The following VPS8 variants were observed in gnomAD, a reference collection of about 807,000 sequenced individuals.
The protein encoded by VPS8 is vacuolar protein sorting-associated protein 8 homolog.
VPS8 carries 129 observed loss-of-function variants against 216.4 expected under a neutral mutation model. That is an observed-to-expected ratio of 0.60 (90% confidence interval 0.52 to 0.69). VPS8 has a LOEUF of 0.69. Among genes scored for constraint, VPS8 ranks in the 30% least tolerant of loss-of-function variants. The pLI, the probability that VPS8 is intolerant of heterozygous loss-of-function variation, is 0.00. For missense variants in VPS8, 1,531 were observed against 1,683.5 expected (o/e 0.91, Z 1.59); for synonymous variants, 571 against 565.4 (o/e 1.01, Z -0.14).
chr3:184,862,482 G>T (rs1047918315), intron 15 of VPS8, among the ~76,000 whole-genome samples: 3 of 152,280 alleles, frequency 2.0e-5, no homozygotes, highest in African/African-American at 4.8e-5. Flanking sequence ...TATTGTTTCA[G>T]TGCTAACAAT....
chr3:185,011,631 A>G (rs1322891660), intron 45 of VPS8, among the ~76,000 whole-genome samples: 7 of 152,218 alleles, frequency 4.6e-5, no homozygotes, highest in East Asian at 1.9e-4. Flanking sequence ...AAATGTTGCT[A>G]TGTTACAGGG....
At chr3:185,018,463 AC>A (rs1329410067) in intron 45 of VPS8, among the ~76,000 whole-genome samples, 1 of 152,106 alleles carries the variant, frequency 6.6e-6, no homozygotes, top group African/African-American at 2.4e-5. Context: ...CCAGCTGCCA[AC>A]CCCCAAAAGT....
At chr3:184,869,810 GC>G (rs1408596536) in intron 20 of VPS8, among the ~76,000 whole-genome samples, 1 of 152,136 alleles carries the variant, frequency 6.6e-6, no homozygotes, top group African/African-American at 2.4e-5. Flanking sequence ...GATCACTTGA[GC>G]CTAGGAGTTT....
At chr3:184,833,226 C>T (rs922460035) in intron 4 of VPS8, among the ~76,000 whole-genome samples, 1 of 152,072 alleles carries the variant, frequency 6.6e-6, no homozygotes. Context: ...TTCAGAGAAT[C>T]ACAAAGACGA....
intron 1 of VPS8, among the ~76,000 whole-genome samples, chr3:184,822,080 G>A (rs1717722207): frequency 1.3e-5 from 2 of 152,128 alleles, no homozygotes; most frequent in South Asian, 2.1e-4. Flanking sequence ...GTTCAGAAAA[G>A]GTAAACAAAT....
At chr3:184,997,103 C>G (rs1455867144) in intron 44 of VPS8, among the ~76,000 whole-genome samples, 1 of 152,060 alleles carries the variant, frequency 6.6e-6, no homozygotes, top group Non-Finnish European at 1.5e-5. Context: ...TGTGTTGAGA[C>G]TGGAAAATTT....
In VPS8 at chr3:184,894,770, G is replaced by A; in HGVS notation, c.1849G>A (p.Glu617Lys). The A allele has an allele frequency of 6.2e-7, 1 of 1,609,500 alleles. No individual in the cohort carries two copies. The highest frequency in any genetic ancestry group is 8.5e-7 in the Non-Finnish European group (1 of 1,177,734). The change falls in exon 23 of 48, where the codon GAG becomes AAG. Residue 617 changes from glutamate (E) to lysine (K), a missense_variant. By Grantham distance (56) the Glu-to-Lys change is moderately conservative (BLOSUM62 1). Coordinates refer to ENST00000625842, the MANE Select transcript of VPS8 (RefSeq NM_001009921.3). ...ENSVAKGVFLECLEPYILSDK... is the reference protein window; with the variant it reads ...ENSVAKGVFLKCLEPYILSDK... ...TTCAGTGGCCAAAGGAGTATTTTTGGAGTGCCTTGAGCCATATATTTTAAG... is the reference window on the plus strand; with the variant it reads ...TTCAGTGGCCAAAGGAGTATTTTTGAAGTGCCTTGAGCCATATATTTTAAG...
At chr3:184,963,844 C>T (rs541321973) in intron 37 of VPS8, among the ~76,000 whole-genome samples, 24 of 152,104 alleles carry the variant, frequency 1.6e-4, no homozygotes, top group Non-Finnish European at 2.7e-4. Flanking sequence ...CTGTATTTTG[C>T]CAAATGCTTT....
At chr3:185,003,299 G>A (rs1225916848) in intron 45 of VPS8, among the ~76,000 whole-genome samples, 15 of 144,448 alleles carry the variant, frequency 1.0e-4, no homozygotes, top group African/African-American at 3.7e-4. Flanking sequence ...AGGACCCTGC[G>A]GCCTTCCGCA....
intron 25 of VPS8, among the ~76,000 whole-genome samples, chr3:184,903,072 C>T (rs1388887001): frequency 3.3e-5 from 5 of 152,096 alleles, no homozygotes; most frequent in African/African-American, 1.2e-4. Context: ...TACCTTGACA[C>T]CTTTATGAAA....
intron 25 of VPS8, among the ~76,000 whole-genome samples, chr3:184,909,336 A>G (rs1043188602): frequency 3.3e-5 from 5 of 152,226 alleles, no homozygotes; most frequent in African/African-American, 1.2e-4. Flanking sequence ...GAAAAAGCCA[A>G]TTTGACAGTT....
chr3:184,849,988 C>G lies in VPS8; in HGVS notation c.719C>G (p.Ala240Gly). Residue 240 changes from alanine (A) to glycine (G), a missense_variant, in exon 10 of 48, where the codon GCT (alanine) becomes GGT (glycine). By Grantham distance (60) the Ala-to-Gly change is moderately conservative. Around this residue, in one of 3 missense-constraint regions of VPS8, gnomAD observed 1,318 missense variants for 1,468.4 expected, o/e 0.90. Coordinates refer to ENST00000625842, the MANE Select transcript of VPS8 (RefSeq NM_001009921.3). ...AAACTTCTAAGATCAATAACAGATG[C>G]TCATCCTCCAGGAACAGCAATATTG... ...SGKLLRSITD[A>G]HPPGTAILHI... is the part of the protein sequence containing the mutation. 1 of 1,613,336 alleles carries G rather than the reference C, an allele frequency of 6.2e-7. No individual in the cohort carries two copies. The highest frequency in any genetic ancestry group is 8.5e-7 in the Non-Finnish European group (1 of 1,179,622).
Position 184,886,109 on chromosome 3 carries a change from G to A in VPS8, c.1735-1G>A. 1 of 1,608,830 alleles carries A rather than the reference G, an allele frequency of 6.2e-7. No individual in the cohort carries two copies. Among genetic ancestry groups the A allele is most frequent in the Non-Finnish European group, 8.5e-7 (1 of 1,177,538 alleles). The stretch of plus-strand genomic sequence containing the variant: ...ATGCTTTCTTTATGGTTCCTCTACA[G>A]GATATGGTGCCTGTCATAGTTGATT... On this transcript the variant is annotated splice_acceptor_variant, in intron 21 of 47. Transcript: ENST00000625842. LOFTEE classifies it high-confidence loss of function.
intron 46 of VPS8, among the ~76,000 whole-genome samples, chr3:185,044,338 C>G (rs1449222231): frequency 6.6e-6 from 1 of 152,118 alleles, no homozygotes; most frequent in Non-Finnish European, 1.5e-5. Context: ...ATCACTGAAT[C>G]CCAGGACCTG....
chr3:184,973,497 C>T (rs1193555964), intron 40 of VPS8, among the ~76,000 whole-genome samples: 2 of 152,110 alleles, frequency 1.3e-5, no homozygotes, highest in Non-Finnish European at 2.9e-5. Context: ...GTGTAATGAT[C>T]AAATCGGTTA....
chr3:184,977,084 A>G (rs1749395538), intron 40 of VPS8, among the ~76,000 whole-genome samples: 1 of 152,134 alleles, frequency 6.6e-6, no homozygotes, highest in Middle Eastern at 3.2e-3. Flanking sequence ...TACCAATAGT[A>G]TATGTAAGTG....
intron 1 of VPS8, among the ~76,000 whole-genome samples, chr3:184,819,629 G>A (rs1188421173): frequency 2.6e-5 from 4 of 152,106 alleles, no homozygotes; most frequent in African/African-American, 7.2e-5. Flanking sequence ...CAACCCACAA[G>A]GTAAGGGTTA....
chr3:184,929,802 G>C (rs1249869247), intron 33 of VPS8, 138 bp downstream of exon 33: 1 of 543,740 alleles, frequency 1.8e-6, no homozygotes, highest in Non-Finnish European at 3.1e-6. Context: ...TACAGTTCTT[G>C]CAGTTTTGGA....
At chr3:185,046,310 A>G (rs1238803577) in intron 46 of VPS8, among the ~76,000 whole-genome samples, 1 of 152,228 alleles carries the variant, frequency 6.6e-6, no homozygotes, top group African/African-American at 2.4e-5. Flanking sequence ...CAGGGCTGCC[A>G]TGTATCTTTG....
Sources: allele counts gnomAD v4.1 joint callset (sites outside exome capture counted in the v4.1 genomes callset), GRCh38; gene constraint gnomAD v4.1.1; regional missense constraint gnomAD v4.1.1; transcripts MANE v1.5; gene names NCBI Gene and HGNC (gene_info 2026-07-23, HGNC 2026-07-21).